The following NCK1 variants were observed in gnomAD, a reference collection of about 807,000 sequenced individuals.
NCK1 encodes SH2/SH3 adapter protein NCK1.
NCK1 carries 19 observed loss-of-function variants against 36.6 expected under a neutral mutation model. The observed-to-expected ratio is 0.52, with a 90% CI of 0.36 to 0.76. NCK1 has a LOEUF of 0.76. NCK1 is among the 30% of genes least tolerant of loss of function. NCK1 has a pLI of 0.00. For missense variants in NCK1, 358 were observed against 445.6 expected (o/e 0.80, Z 1.77); for synonymous variants, 165 against 156.0 (o/e 1.06, Z -0.43).
intron 1 of NCK1, among the ~76,000 whole-genome samples, chr3:136,919,643 A>G (rs1379118124): frequency 2.0e-5 from 3 of 152,200 alleles, no homozygotes; most frequent in Non-Finnish European, 2.9e-5. Context: ...TTCCCAAACT[A>G]CTTTTATAAA....
intron 2 of NCK1, among the ~76,000 whole-genome samples, chr3:136,943,939 GCTGAGGACTTTAAAAGTTA>G (rs1940740178): frequency 6.6e-6 from 1 of 151,984 alleles, no homozygotes; most frequent in Non-Finnish European, 1.5e-5. Flanking sequence ...GTTTGAGAAG[GCTGAGGACTTTAAAAGTTA>G]CTGATTTGAC....
Position 136,872,999 on chromosome 3 carries a change from A to G in NCK1, c.-19+10646A>G, listed in dbSNP as rs567071952. Reference sequence around the variant, plus strand: ...AGAACCTCTGCTAGGGCAGTGCAGAAGGGAAATGTGGGGTCAGAGCCCCCA... The same window carrying G: ...AGAACCTCTGCTAGGGCAGTGCAGAGGGGAAATGTGGGGTCAGAGCCCCCA... On this transcript the variant is annotated intron_variant, in intron 1 of 3. Transcript: ENST00000481752. Among the ~76,000 whole-genome samples the G allele has an allele frequency of 1.6e-4, 24 of 152,326 alleles. 2 individuals carry two copies. In the South Asian group the frequency reaches 4.6e-3, roughly 29 times the overall value.
chr3:136,932,953 C>T (rs1228423418), intron 2 of NCK1, among the ~76,000 whole-genome samples: 3 of 152,140 alleles, frequency 2.0e-5, no homozygotes, highest in Non-Finnish European at 2.9e-5. Context: ...ATACTGAAAT[C>T]ACTAATAAGT....
chr3:136,905,057 G>A (rs1324585281), intron 1 of NCK1, among the ~76,000 whole-genome samples: 1 of 147,426 alleles, frequency 6.8e-6, no homozygotes, highest in African/African-American at 2.5e-5. Context: ...CTGTTTCCCA[G>A]GCTAGAGTGC....
chr3:136,896,648 C>T (rs568066497), intron 1 of NCK1, among the ~76,000 whole-genome samples: 11 of 152,214 alleles, frequency 7.2e-5, no homozygotes, highest in Non-Finnish European at 1.6e-4. Context: ...GCATACCCCA[C>T]CACACCTGGC....
At chr3:136,864,708 A>T (rs79989361) in intron 1 of NCK1, among the ~76,000 whole-genome samples, 2,534 of 151,630 alleles carry the variant, frequency 0.017, 43 homozygotes, top group East Asian at 0.11. Flanking sequence ...AAGGAAAATA[A>T]TAAAGAAAAG....
rs1297134708 is a variant in NCK1 at position 136,928,084 on chromosome 3, G to C, written c.83G>C (p.Arg28Thr). The stretch of plus-strand genomic sequence containing the variant: ...GAGTTGGACATCAAGAAGAATGAGA[G>C]ATTATGGCTTCTGGATGATTCTAAG... Reference protein sequence around the residue: ...EQELDIKKNERLWLLDDSKSW... With the variant: ...EQELDIKKNETLWLLDDSKSW... The change falls in exon 2 of 4, where the codon AGA becomes ACA. Residue 28 changes from arginine to threonine, a missense_variant. By Grantham distance (71) the Arg-to-Thr change is moderately conservative. Around this residue, in one of 3 missense-constraint regions of NCK1, gnomAD observed 143 missense variants for 162.4 expected, o/e 0.88. Transcript: ENST00000481752. The C allele has an allele frequency of 6.2e-7, 1 of 1,614,164 alleles. No individual in the cohort carries two copies. The highest frequency in any genetic ancestry group is 1.7e-5 in the Admixed American group (1 of 60,026).
intron 1 of NCK1, among the ~76,000 whole-genome samples, chr3:136,915,005 T>G (rs926385933): frequency 6.6e-6 from 1 of 152,186 alleles, no homozygotes; most frequent in Non-Finnish European, 1.5e-5. Context: ...CATGCTGGCT[T>G]CTCTTTGCCA....
At chr3:136,899,772 T>G in intron 1 of NCK1, 2 of 1,346,564 alleles carry the variant, frequency 1.5e-6, no homozygotes, top group South Asian at 1.2e-5. Flanking sequence ...ATCTTGAGAC[T>G]TCTGCACATT....
intron 1 of NCK1, among the ~76,000 whole-genome samples, chr3:136,912,010 C>G (rs1450331162): frequency 1.3e-5 from 2 of 152,052 alleles, no homozygotes; most frequent in Non-Finnish European, 2.9e-5. Context: ...ACTCTTACTC[C>G]TTTCAAGAGT....
intron 1 of NCK1, among the ~76,000 whole-genome samples, chr3:136,912,413 C>A (rs1212545330): frequency 5.9e-5 from 9 of 151,986 alleles, no homozygotes; most frequent in African/African-American, 2.2e-4. Flanking sequence ...CTCTTTGCCC[C>A]TCTACTTTTG....
chr3:136,872,736 T>C lies in NCK1; in HGVS notation c.-19+10383T>C, dbSNP rs1938660971. 2.6e-5 allele frequency among the ~76,000 whole-genome samples: 4 copies of C among 152,180 alleles called. No homozygotes were observed. In the South Asian group the frequency reaches 8.3e-4, roughly 31 times the overall value. ...TGCTATGTGCAGCCTAGGGACTTGG[T>C]ACCCAGCATTCCAGCTGCTCCAGCC... is the stretch of plus-strand genomic sequence containing the variant. On this transcript the variant is annotated intron_variant, in intron 1 of 3. Transcript: ENST00000481752.
intron 1 of NCK1, among the ~76,000 whole-genome samples, chr3:136,864,903 G>A (rs192381032): frequency 6.6e-4 from 99 of 148,946 alleles, no homozygotes; most frequent in African/African-American, 2.4e-3. Flanking sequence ...GACTACAGGT[G>A]TGTGCCACCA....
chr3:136,928,148 T>G lies in NCK1; in HGVS notation c.147T>G (p.Gly49=), dbSNP rs763481977. The change falls in exon 2 of 4, where the codon GGT becomes GGG. Residue 49 remains glycine, a synonymous_variant. Transcript: ENST00000481752. ...TTCGAAATTCCATGAATAAAACAGGTTTTGTGCCTTCTAACTATGTGGAAA... is the reference window on the plus strand; with the variant it reads ...TTCGAAATTCCATGAATAAAACAGGGTTTGTGCCTTCTAACTATGTGGAAA... The part of the protein sequence containing the change: ...WRVRNSMNKT[G]FVPSNYVERK... 3.1e-6 allele frequency: 5 copies of G among 1,614,076 alleles called. No homozygotes were observed. Among genetic ancestry groups the G allele is most frequent in the Non-Finnish European group, 4.2e-6 (5 of 1,180,016 alleles).
intron 1 of NCK1, among the ~76,000 whole-genome samples, chr3:136,878,270 G>A (rs960456322): frequency 1.3e-4 from 20 of 152,114 alleles, no homozygotes; most frequent in African/African-American, 4.8e-4. Flanking sequence ...TTAGCCGGAT[G>A]TGGTGGCAGG....
rs1940937205 is a variant in NCK1 at position 136,950,180 on chromosome 3, T to C, written c.*1727T>C. On this transcript the variant is annotated 3_prime_UTR_variant, in exon 4 of 4. Transcript: ENST00000481752. The stretch of plus-strand genomic sequence containing the variant: ...GGATGACTAGTAGTAAACATCATCT[T>C]AATTTTTAACATATATTTGATGATG... Among the ~76,000 whole-genome samples, 2 of 152,256 alleles carry C rather than the reference T, an allele frequency of 1.3e-5. No homozygotes were observed. The highest frequency in any genetic ancestry group is 3.9e-4 in the East Asian group (2 of 5,184).
chr3:136,909,900 C>T (rs2108109815), intron 1 of NCK1, among the ~76,000 whole-genome samples: 1 of 152,294 alleles, frequency 6.6e-6, no homozygotes, highest in East Asian at 1.9e-4. Context: ...CACCTCACTT[C>T]TCTTACGGTT....
intron 2 of NCK1, among the ~76,000 whole-genome samples, chr3:136,935,193 C>CTTAACCAGAACAA (rs1940499654): frequency 1.3e-5 from 2 of 152,166 alleles, no homozygotes; most frequent in Non-Finnish European, 2.9e-5. Context: ...AGCCCCCGTG[C>CTTAACCAGAACAA]TGGGCCATTC....
At chr3:136,867,351 G>A (rs1277079757) in intron 1 of NCK1, 1 of 148,234 alleles carries the variant, frequency 6.7e-6, no homozygotes, top group Non-Finnish European at 1.5e-5. Flanking sequence ...GCTCCTCATT[G>A]TAACTTGAAC....
Sources: gnomAD v4.1 joint callset for allele counts (sites outside exome capture counted in the v4.1 genomes callset) on GRCh38, gnomAD v4.1.1 for gene constraint, gnomAD v4.1.1 regional missense constraint, MANE v1.5 for transcripts, NCBI Gene and HGNC (gene_info 2026-07-23, HGNC 2026-07-21) for gene names.